PARD3: variants seen among roughly 807,000 people sequenced by gnomAD.
PARD3 encodes the protein partitioning defective 3 homolog.
PARD3 carries 75 observed loss-of-function variants against 155.4 expected under a neutral mutation model. That is an observed-to-expected ratio of 0.48 (90% CI 0.40 to 0.58). The LOEUF (loss-of-function observed/expected upper bound fraction) is 0.58, where lower values mean the gene tolerates loss of function less well. PARD3 is among the 20% of genes least tolerant of loss of function. PARD3 has a pLI of 0.00. For synonymous variants in PARD3, 576 were observed against 610.5 expected (o/e 0.94, Z 0.83); for missense variants, 1,642 against 1,721.7 (o/e 0.95, Z 0.82).
At chr10:34,384,716 C>A (rs1842175851) in intron 7 of PARD3, among the ~76,000 whole-genome samples, 1 of 152,192 alleles carries the variant, frequency 6.6e-6, no homozygotes. Flanking sequence ...CATTGCACTG[C>A]AGGTTTGAGA....
intron 4 of PARD3, among the ~76,000 whole-genome samples, chr10:34,458,125 G>A (rs2891455): frequency 0.075 from 11,456 of 152,134 alleles, 1,320 homozygotes; most frequent in African/African-American, 0.25. Context: ...ACAGTGTTAC[G>A]AATAATCATA....
chr10:34,145,221 A>ATTTTTTTTTTT (rs57442429), intron 22 of PARD3, among the ~76,000 whole-genome samples: 1 of 33,970 alleles, frequency 2.9e-5, no homozygotes, highest in African/African-American at 1.4e-4. Context: ...ATATATATAT[A>ATTTTTTTTTTT]TTTTTTTTTT....
At chr10:34,798,080 G>C (rs1365387327) in intron 1 of PARD3, among the ~76,000 whole-genome samples, 1 of 152,066 alleles carries the variant, frequency 6.6e-6, no homozygotes, top group Non-Finnish European at 1.5e-5. Context: ...AGTGTTATGG[G>C]AGGCTGAGGC....
At chr10:34,798,452 T>TC (rs1372797412) in intron 1 of PARD3, among the ~76,000 whole-genome samples, 4 of 151,234 alleles carry the variant, frequency 2.6e-5, no homozygotes, top group Admixed American at 2.0e-4. Context: ...CAACTGTAAT[T>TC]CCAGCACTTT....
intron 2 of PARD3, among the ~76,000 whole-genome samples, chr10:34,676,456 G>A (rs531094125): frequency 2.0e-5 from 3 of 152,098 alleles, no homozygotes; most frequent in South Asian, 4.2e-4. Context: ...TCGTCTACCC[G>A]CAATGTCCCC....
chr10:34,389,996 A>C (rs1223822341), intron 7 of PARD3, among the ~76,000 whole-genome samples: 2 of 152,178 alleles, frequency 1.3e-5, no homozygotes, highest in Non-Finnish European at 2.9e-5. Context: ...CTCTAAAACC[A>C]ATGCGTATGT....
chr10:34,509,236 T>C (rs900383101), intron 3 of PARD3, among the ~76,000 whole-genome samples: 6 of 152,172 alleles, frequency 3.9e-5, no homozygotes, highest in Non-Finnish European at 5.9e-5. Flanking sequence ...AACATGCATC[T>C]ACCTGGGAGC....
rs145828502 is a variant in PARD3, at chr10:34,127,014, T to A, written c.3540+4449A>T. 3.9e-3 allele frequency among the ~76,000 whole-genome samples: 596 copies of A among 152,340 alleles called. 1 individual carries two copies. Among genetic ancestry groups the A allele is most frequent in the African/African-American group, 0.014 (564 of 41,576 alleles). ...TAATGTGGTCCATGACCTTCAGTAGTTGAGTTTCCAAATGTACAAGATTTT... is the reference window on the plus strand; with the variant it reads ...TAATGTGGTCCATGACCTTCAGTAGATGAGTTTCCAAATGTACAAGATTTT... On this transcript the variant is annotated intron_variant, in intron 23 of 24. Coordinates refer to ENST00000374788, the MANE Select transcript of PARD3 (RefSeq NM_001184785.2).
intron 7 of PARD3, among the ~76,000 whole-genome samples, chr10:34,386,084 TA>T (rs1842319394): frequency 6.6e-6 from 1 of 152,188 alleles, no homozygotes; most frequent in African/African-American, 2.4e-5. Flanking sequence ...ATTTTTACGA[TA>T]TTAGTAAGGT....
intron 2 of PARD3, among the ~76,000 whole-genome samples, chr10:34,645,054 T>C (rs927042041): frequency 1.3e-5 from 2 of 152,192 alleles, no homozygotes; most frequent in African/African-American, 4.8e-5. Context: ...GGTCTCACTA[T>C]GTTGCCCAGG....
intron 3 of PARD3, among the ~76,000 whole-genome samples, chr10:34,512,923 G>A (rs931425984): frequency 6.6e-6 from 1 of 152,078 alleles, no homozygotes; most frequent in African/African-American, 2.4e-5. Flanking sequence ...ACGACAAACA[G>A]TTTCCGGGTC....
intron 22 of PARD3, among the ~76,000 whole-genome samples, chr10:34,162,880 C>T (rs1490857881): frequency 6.6e-6 from 1 of 152,164 alleles, no homozygotes; most frequent in African/African-American, 2.4e-5. Flanking sequence ...TTCAGACCCA[C>T]TCCCTCAACT....
In PARD3 at chr10:34,696,489, C is replaced by T. The variant is rs2133482825; in HGVS notation, c.121-70G>A. On this transcript the variant is annotated intron_variant, in intron 1 of 24. Transcript: ENST00000374788. ...CCAAAAGGGAATTAGACATTTTAAA[C>T]CGTGATAACTTCCTGCCCATAAAAA... 4.2e-6 allele frequency: 4 copies of T among 945,792 alleles called. No individual in the cohort carries two copies. The East Asian group carries it at 7.2e-5, about 17-fold the overall frequency. The allele number at this position is 945,792 out of a possible 1,614,324, so 58.6% of individuals were successfully genotyped here.
chr10:34,380,203 A>G (rs1014913388), intron 9 of PARD3, among the ~76,000 whole-genome samples: 5 of 152,162 alleles, frequency 3.3e-5, no homozygotes, highest in African/African-American at 1.2e-4. Flanking sequence ...TATAGTAAAC[A>G]TAATTTTTAT....
Position 34,378,014 on chromosome 10 carries a change from C to T in PARD3, c.1492G>A (p.Ala498Thr). The change falls in exon 10 of 25, where the codon GCG becomes ACG. Residue 498 changes from alanine to threonine, a missense_variant. By Grantham distance (58) the Ala-to-Thr change is moderately conservative. This residue lies in a region of PARD3 where 1,529 missense variants were observed against 1,587.3 expected (regional missense o/e 0.96). Coordinates refer to ENST00000374788, the MANE Select transcript of PARD3 (RefSeq NM_001184785.2). ...TTAAGTCGGCCATCCTGAATGGCCG[C>T]CCCCCGGGGGAGAATGTTTTTCACA... Reference protein sequence around the residue: ...IYVKNILPRGAAIQDGRLKAG... With the variant: ...IYVKNILPRGTAIQDGRLKAG... 2 of 1,583,546 alleles carry T rather than the reference C, an allele frequency of 1.3e-6. No homozygotes were observed. Among genetic ancestry groups the T allele is most frequent in the South Asian group, 1.2e-5 (1 of 86,822 alleles).
intron 19 of PARD3, among the ~76,000 whole-genome samples, chr10:34,320,183 A>G (rs1378822224): frequency 6.6e-6 from 1 of 152,158 alleles, no homozygotes; most frequent in Non-Finnish European, 1.5e-5. Context: ...ACTTTATCTA[A>G]TCGCCAGGTA....
At chr10:34,729,980 T>C (rs975726182) in intron 1 of PARD3, among the ~76,000 whole-genome samples, 4 of 152,190 alleles carry the variant, frequency 2.6e-5, no homozygotes, top group Admixed American at 1.3e-4. Context: ...ACAATGTGCT[T>C]TGGAGAATTT....
At chr10:34,301,814 CTTTCTTTTTTT>C (rs1564562909) in intron 20 of PARD3, among the ~76,000 whole-genome samples, 3 of 83,088 alleles carry the variant, frequency 3.6e-5, no homozygotes, top group African/African-American at 4.9e-5. Flanking sequence ...GTTCTTTCTC[CTTTCTTTTTTT>C]TTTTTTTTTT....
At chr10:34,720,028 T>C (rs999217997) in intron 1 of PARD3, among the ~76,000 whole-genome samples, 2 of 152,214 alleles carry the variant, frequency 1.3e-5, no homozygotes, top group African/African-American at 4.8e-5. Context: ...ACACAAGCAA[T>C]GGAATTGGCA....
Sources: gnomAD v4.1 joint callset for allele counts (sites outside exome capture counted in the v4.1 genomes callset) on GRCh38, gnomAD v4.1.1 for gene constraint, gnomAD v4.1.1 regional missense constraint, MANE v1.5 for transcripts, NCBI Gene and HGNC (gene_info 2026-07-23, HGNC 2026-07-21) for gene names.